ZBTB20: variants seen among roughly 807,000 people sequenced by gnomAD.
ZBTB20 encodes the protein zinc finger and BTB domain containing 20.
In ZBTB20, 9 loss-of-function variants were observed where a neutral mutation model predicts 56.9. The observed-to-expected ratio is 0.16, with a 90% CI of 0.10 to 0.28. ZBTB20 has a LOEUF of 0.28. Among genes scored for constraint, ZBTB20 ranks in the 10% least tolerant of loss-of-function variants. ZBTB20 has a pLI of 1.00. For synonymous variants in ZBTB20, 417 were observed against 420.7 expected (o/e 0.99, Z 0.11); for missense variants, 655 against 1,003.0 (o/e 0.65, Z 4.69).
At chr3:114,671,700 A>T (rs1180954184) in intron 6 of ZBTB20, among the ~76,000 whole-genome samples, 1 of 152,090 alleles carries the variant, frequency 6.6e-6, no homozygotes, top group Non-Finnish European at 1.5e-5. Context: ...AAGATGAAAA[A>T]TTCAGAGGCA....
At chr3:114,978,124 G>A (rs1305645300) in intron 2 of ZBTB20, among the ~76,000 whole-genome samples, 1 of 150,990 alleles carries the variant, frequency 6.6e-6, no homozygotes, top group Non-Finnish European at 1.5e-5. Flanking sequence ...TGGGTTAAGA[G>A]TCTTTATAAA....
chr3:114,543,026 T>G (rs953762256), intron 6 of ZBTB20, among the ~76,000 whole-genome samples: 5 of 152,092 alleles, frequency 3.3e-5, no homozygotes, highest in Non-Finnish European at 7.4e-5. Context: ...AACATACAAC[T>G]GTCCCTTGGT....
chr3:114,566,861 G>A (rs891636673), intron 6 of ZBTB20, among the ~76,000 whole-genome samples: 4 of 152,136 alleles, frequency 2.6e-5, no homozygotes, highest in Non-Finnish European at 5.9e-5. Context: ...TCTGTCCCTA[G>A]ACCTGAGGAT....
intron 3 of ZBTB20, among the ~76,000 whole-genome samples, chr3:114,910,047 TA>T (rs1394098066): frequency 2.0e-5 from 3 of 151,816 alleles, no homozygotes; most frequent in Non-Finnish European, 4.4e-5. Context: ...ATTTTTATTA[TA>T]AAAAAGAAGA....
chr3:114,321,914 T>A lies in ZBTB20; in HGVS notation c.*17091A>T, dbSNP rs1170473422. On this transcript the variant is annotated 3_prime_UTR_variant, in exon 12 of 12. Coordinates refer to ENST00000675478, the MANE Select transcript of ZBTB20 (RefSeq NM_001348800.3). The stretch of plus-strand genomic sequence containing the variant: ...AATGGTACAGAAAAGCGTAACTGAA[T>A]AAATTATTAATCTAGTACTCACTAC... The A allele has an allele frequency of 2.0e-5, 3 of 152,214 alleles. No homozygotes were observed. The highest frequency in any genetic ancestry group is 7.2e-5 in the African/African-American group (3 of 41,456). 9.4% of individuals were successfully genotyped at this position (152,214 alleles called of 1,614,324 possible). A position where few individuals can be genotyped will look rare whatever the true frequency, so the allele number is the denominator to read the frequency against.
intron 2 of ZBTB20, among the ~76,000 whole-genome samples, chr3:115,052,606 T>C (rs187844745): frequency 6.6e-6 from 1 of 152,314 alleles, no homozygotes; most frequent in East Asian, 1.9e-4. Context: ...GACAAATATC[T>C]TGTTCAGGAA....
intron 4 of ZBTB20, among the ~76,000 whole-genome samples, chr3:114,869,637 C>T (rs1160771837): frequency 1.3e-5 from 2 of 152,050 alleles, no homozygotes; most frequent in African/African-American, 4.8e-5. Flanking sequence ...TTTATATTTT[C>T]ATCAAAAAAC....
chr3:114,970,321 T>C (rs761386817), intron 3 of ZBTB20, among the ~76,000 whole-genome samples: 3 of 152,210 alleles, frequency 2.0e-5, no homozygotes, highest in African/African-American at 4.8e-5. Context: ...TGTGTTAATT[T>C]ACTTCCCACT....
chr3:115,069,113 T>G (rs926082580), intron 2 of ZBTB20, among the ~76,000 whole-genome samples: 3 of 152,124 alleles, frequency 2.0e-5, no homozygotes, highest in Non-Finnish European at 4.4e-5. Context: ...GGTAAAAGCT[T>G]AATTCTCCTC....
chr3:114,458,602 A>T (rs2092162410), intron 7 of ZBTB20, among the ~76,000 whole-genome samples: 1 of 152,170 alleles, frequency 6.6e-6, no homozygotes, highest in Non-Finnish European at 1.5e-5. Flanking sequence ...GTATAAAAAA[A>T]TACCAATGAA....
chr3:114,781,449 C>T (rs1248180359), intron 5 of ZBTB20, among the ~76,000 whole-genome samples: 1 of 152,136 alleles, frequency 6.6e-6, no homozygotes, highest in Non-Finnish European at 1.5e-5. Flanking sequence ...CTTGTTAAGG[C>T]ATTTTGTCTT....
intron 5 of ZBTB20, among the ~76,000 whole-genome samples, chr3:114,728,050 A>G (rs911495364): frequency 6.6e-6 from 1 of 152,188 alleles, no homozygotes; most frequent in Non-Finnish European, 1.5e-5. Context: ...AGACAATCAA[A>G]TTTAATACCT....
chr3:114,859,769 G>A (rs1368495840), intron 4 of ZBTB20, among the ~76,000 whole-genome samples: 1 of 151,978 alleles, frequency 6.6e-6, no homozygotes, highest in Non-Finnish European at 1.5e-5. Context: ...CAGAGCAAAC[G>A]ACAGTACAGT....
chr3:114,888,164 A>G (rs1162016055), intron 4 of ZBTB20, among the ~76,000 whole-genome samples: 1 of 151,918 alleles, frequency 6.6e-6, no homozygotes, highest in Non-Finnish European at 1.5e-5. Flanking sequence ...ACGCCTGTAA[A>G]TCCAGCACTT....
At chr3:114,362,119 T>C (rs899334714) in intron 10 of ZBTB20, among the ~76,000 whole-genome samples, 1 of 152,180 alleles carries the variant, frequency 6.6e-6, no homozygotes, top group Non-Finnish European at 1.5e-5. Flanking sequence ...TCAGGTTTAA[T>C]TTTCTTTAGA....
At chr3:114,681,944 C>T (rs916112054) in intron 6 of ZBTB20, among the ~76,000 whole-genome samples, 3 of 152,138 alleles carry the variant, frequency 2.0e-5, no homozygotes, top group Admixed American at 6.6e-5. Context: ...GTTCTAAGCA[C>T]ATGGCATGGC....
At chr3:114,694,507 G>A (rs1377815071) in intron 5 of ZBTB20, among the ~76,000 whole-genome samples, 3 of 151,924 alleles carry the variant, frequency 2.0e-5, no homozygotes, top group Non-Finnish European at 2.9e-5. Flanking sequence ...TCAGGAATTC[G>A]TGTAGCTAAA....
chr3:114,669,079 C>A (rs967679375), intron 6 of ZBTB20, among the ~76,000 whole-genome samples: 1 of 152,082 alleles, frequency 6.6e-6, no homozygotes, highest in Non-Finnish European at 1.5e-5. Flanking sequence ...TTTGCCACCC[C>A]CTTCCCCACC....
At chr3:114,953,505 G>A (rs1422396906) in intron 3 of ZBTB20, among the ~76,000 whole-genome samples, 2 of 151,782 alleles carry the variant, frequency 1.3e-5, no homozygotes, top group African/African-American at 2.4e-5. Context: ...AAAAAGGTAG[G>A]TTTGAAGAAA....
Sources: allele counts gnomAD v4.1 joint callset (sites outside exome capture counted in the v4.1 genomes callset), GRCh38; gene constraint gnomAD v4.1.1; transcripts MANE v1.5; gene names NCBI Gene and HGNC (gene_info 2026-07-23, HGNC 2026-07-21).